AGO3: variants seen among roughly 807,000 people sequenced by gnomAD.
The protein encoded by AGO3 is argonaute RISC catalytic component 3.
AGO3 carries 16 observed loss-of-function variants against 105.5 expected under a neutral mutation model. The ratio of observed to expected loss-of-function variants is 0.15; its 90% CI spans 0.10 to 0.23. The LOEUF is 0.23. Ranked by LOEUF, AGO3 falls within the 10% of genes least tolerant of loss-of-function variation. The pLI is 1.00. For missense variants in AGO3, 534 were observed against 1,088.0 expected (o/e 0.49, Z 7.16); for synonymous variants, 340 against 367.3 (o/e 0.93, Z 0.85).
chr1:35,952,148 C>CTTT (rs869309731), intron 2 of AGO3, among the ~76,000 whole-genome samples: 1 of 18,040 alleles, frequency 5.5e-5, no homozygotes, highest in Non-Finnish European at 1.3e-4. Context: ...TTCTTTCTTT[C>CTTT]TTTTTTTTTT....
intron 2 of AGO3, among the ~76,000 whole-genome samples, chr1:35,961,202 C>T (rs930710520): frequency 1.7e-4 from 26 of 151,910 alleles, no homozygotes; most frequent in African/African-American, 5.8e-4. Flanking sequence ...CCGCCTGCCT[C>T]GGCCCCCCAA....
rs190948535 is a variant in AGO3, at chr1:35,969,971, C to T, written c.313-2053C>T. On this transcript the variant is annotated intron_variant, in intron 3 of 18. Coordinates refer to ENST00000373191, the MANE Select transcript of AGO3 (RefSeq NM_024852.4). ...CTTCATTATAATCTAATGGGACCACCGTGTATATGGGGTCCATTGTGGACC... is the reference window on the plus strand; with the variant it reads ...CTTCATTATAATCTAATGGGACCACTGTGTATATGGGGTCCATTGTGGACC... Among the ~76,000 whole-genome samples the T allele has an allele frequency of 7.6e-4, 115 of 152,184 alleles. 1 individual carries two copies. In the East Asian group the frequency reaches 0.011, roughly 15 times the overall value.
chr1:36,033,410 C>G (rs1451584283), intron 12 of AGO3, among the ~76,000 whole-genome samples: 2 of 150,680 alleles, frequency 1.3e-5, no homozygotes, highest in Non-Finnish European at 2.9e-5. Flanking sequence ...GAGGCTGGAG[C>G]AGGAGGATCA....
intron 2 of AGO3, among the ~76,000 whole-genome samples, chr1:35,946,897 C>T (rs1646375783): frequency 6.6e-6 from 1 of 152,112 alleles, no homozygotes; most frequent in African/African-American, 2.4e-5. Context: ...GTTAACTAAT[C>T]CAATACCTTT....
chr1:36,052,963 T>A (rs1233493247), intron 17 of AGO3, among the ~76,000 whole-genome samples: 1 of 148,570 alleles, frequency 6.7e-6, no homozygotes, highest in East Asian at 1.9e-4. Flanking sequence ...ACCCTGTCTC[T>A]AAATAAATAA....
chr1:36,018,557 T>G (rs898603942), intron 11 of AGO3, among the ~76,000 whole-genome samples: 1 of 151,820 alleles, frequency 6.6e-6, no homozygotes, highest in Non-Finnish European at 1.5e-5. Context: ...CTCAGCCTCT[T>G]GAGTAGCTGG....
At chr1:35,949,649 T>C (rs1192843877) in intron 2 of AGO3, among the ~76,000 whole-genome samples, 2 of 152,208 alleles carry the variant, frequency 1.3e-5, no homozygotes, top group Non-Finnish European at 2.9e-5. Context: ...AGTCAGGGTC[T>C]CAATCTGTCT....
At chr1:35,934,705 C>T (rs1046966041) in intron 1 of AGO3, among the ~76,000 whole-genome samples, 2 of 151,932 alleles carry the variant, frequency 1.3e-5, no homozygotes, top group Admixed American at 6.6e-5. Context: ...GGCTGGAGTG[C>T]AGTGGCATGA....
At chr1:35,939,670 C>G (rs1055166558) in intron 1 of AGO3, among the ~76,000 whole-genome samples, 15 of 152,072 alleles carry the variant, frequency 9.9e-5, no homozygotes, top group Non-Finnish European at 4.4e-5. Flanking sequence ...CTTCCTTAAC[C>G]TTAATTTTCT....
In AGO3 at chr1:36,068,892, T is replaced by A. The variant is rs1038332283; in HGVS notation, c.*13147T>A. The A allele has an allele frequency of 6.6e-6, 1 of 152,228 alleles. No individual in the cohort carries two copies. The highest frequency in any genetic ancestry group is 1.5e-5 in the Non-Finnish European group (1 of 68,034). The allele number at this position is 152,228 out of a possible 1,614,324, so 9.4% of individuals were successfully genotyped here. ...AGGTGTTCTTTAATGGAGGAACTTT[T>A]GAAAGATCACAAATGGAAAAAGCCT... On this transcript the variant is annotated 3_prime_UTR_variant, in exon 19 of 19. Transcript: ENST00000373191.
intron 2 of AGO3, among the ~76,000 whole-genome samples, chr1:35,955,903 T>C (rs1470066501): frequency 6.6e-6 from 1 of 152,040 alleles, no homozygotes; most frequent in African/African-American, 2.4e-5. Flanking sequence ...CCTTAACTCT[T>C]ATGTGTTGCA....
intron 5 of AGO3, among the ~76,000 whole-genome samples, chr1:35,998,869 C>T (rs1639959316): frequency 6.6e-6 from 1 of 151,936 alleles, no homozygotes; most frequent in African/African-American, 2.4e-5. Flanking sequence ...CCTTTAAGAC[C>T]ATAAAGATAT....
chr1:36,018,586 C>G (rs1198664017), intron 11 of AGO3, among the ~76,000 whole-genome samples: 1 of 152,054 alleles, frequency 6.6e-6, no homozygotes, highest in African/African-American at 2.4e-5. Flanking sequence ...GCATGTGCCA[C>G]CATGCCTGGC....
intron 12 of AGO3, among the ~76,000 whole-genome samples, chr1:36,028,400 C>CT (rs1206262568): frequency 8.8e-6 from 1 of 113,688 alleles, no homozygotes; most frequent in South Asian, 3.8e-4. Context: ...CTCCCCCCCC[C>CT]CCACCCCACA....
intron 9 of AGO3, 101 bp downstream of exon 9, chr1:36,009,695 A>C: frequency 4.2e-6 from 5 of 1,180,356 alleles, no homozygotes; most frequent in South Asian, 1.9e-5. Context: ...TGACCATTTC[A>C]TGGACTGTCA....
At chr1:35,966,029 TG>T (rs1179394441) in intron 2 of AGO3, among the ~76,000 whole-genome samples, 3 of 152,120 alleles carry the variant, frequency 2.0e-5, no homozygotes, top group African/African-American at 7.2e-5. Flanking sequence ...TTCTCCATGT[TG>T]GTCAGGGTGG....
chr1:35,931,533 G>A (rs1466313393), intron 1 of AGO3, 88 bp downstream of exon 1: 1 of 1,276,370 alleles, frequency 7.8e-7, no homozygotes, highest in Non-Finnish European at 1.0e-6. Flanking sequence ...GCCCAGGTGC[G>A]CGAGGTGAGC....
chr1:35,977,872 TAAAA>T (rs988612377), intron 5 of AGO3, among the ~76,000 whole-genome samples: 3 of 151,982 alleles, frequency 2.0e-5, no homozygotes, highest in Admixed American at 1.3e-4. Context: ...ATCAAAAAAC[TAAAA>T]AAAAGACGGT....
intron 1 of AGO3, among the ~76,000 whole-genome samples, chr1:35,934,181 TTGA>T (rs1258764174): frequency 1.3e-5 from 2 of 152,208 alleles, no homozygotes; most frequent in East Asian, 3.8e-4. Flanking sequence ...GCAGAAATGC[TTGA>T]TGATGTTACT....
Sources: gnomAD v4.1 joint callset for allele counts (sites outside exome capture counted in the v4.1 genomes callset) on GRCh38, gnomAD v4.1.1 for gene constraint, MANE v1.5 for transcripts, NCBI Gene and HGNC (gene_info 2026-07-23, HGNC 2026-07-21) for gene names.